Variants in ARHGAP18 observed in about 807,000 individuals in gnomAD.
The protein encoded by ARHGAP18 is Rho GTPase activating protein 18.
ARHGAP18 carries 67 observed loss-of-function variants against 86.2 expected under a neutral mutation model. That is an observed-to-expected ratio of 0.78 (90% CI 0.64 to 0.95). ARHGAP18 has a LOEUF of 0.95. ARHGAP18 is among the 40% of genes least tolerant of loss of function. ARHGAP18 has a pLI of 0.00. For missense variants in ARHGAP18, 691 were observed against 780.4 expected, an observed-to-expected ratio of 0.89 and a Z score of 1.37; for synonymous variants, 283 against 280.4, an observed-to-expected ratio of 1.01 and a Z score of -0.09.
chr6:129,704,482 T>G (rs1774772550), intron 1 of ARHGAP18, among the ~76,000 whole-genome samples: 2 of 152,074 alleles, frequency 1.3e-5, no homozygotes, highest in Admixed American at 1.3e-4. Context: ...CTGAGCTTCA[T>G]GTCTCGCTCA....
intron 1 of ARHGAP18, among the ~76,000 whole-genome samples, chr6:129,681,835 G>A (rs191014820): frequency 2.6e-5 from 4 of 152,318 alleles, no homozygotes; most frequent in East Asian, 1.9e-4. Flanking sequence ...CAAGTTCACA[G>A]GTTAGGCAAT....
At chr6:129,625,646 AT>A (rs1211981272) in intron 5 of ARHGAP18, among the ~76,000 whole-genome samples, 2 of 79,030 alleles carry the variant, frequency 2.5e-5, no homozygotes, top group African/African-American at 1.0e-4. Context: ...TATATTATAT[AT>A]TTATATATTA....
intron 1 of ARHGAP18, among the ~76,000 whole-genome samples, chr6:129,707,979 C>T (rs1224152545): frequency 2.0e-5 from 3 of 152,072 alleles, no homozygotes; most frequent in Non-Finnish European, 4.4e-5. Flanking sequence ...ACCACTATCA[C>T]CATTCTTAGG....
At chr6:129,645,517 C>G (rs1369848572) in intron 1 of ARHGAP18, among the ~76,000 whole-genome samples, 1 of 152,174 alleles carries the variant, frequency 6.6e-6, no homozygotes, top group African/African-American at 2.4e-5. Flanking sequence ...TGACCCCTCC[C>G]TGACTTTCTA....
chr6:129,638,835 A>G (rs1176457648), intron 2 of ARHGAP18, among the ~76,000 whole-genome samples: 1 of 152,198 alleles, frequency 6.6e-6, no homozygotes, highest in Non-Finnish European at 1.5e-5. Flanking sequence ...CTCAATTAAA[A>G]TTTTTAAATG....
chr6:129,601,268 T>G (rs1432039749), intron 10 of ARHGAP18, among the ~76,000 whole-genome samples: 1 of 152,246 alleles, frequency 6.6e-6, no homozygotes, highest in African/African-American at 2.4e-5. Context: ...AACTTCAGTC[T>G]CATTTCTTTA....
intron 1 of ARHGAP18, among the ~76,000 whole-genome samples, chr6:129,705,975 C>T (rs1774795655): frequency 6.6e-6 from 1 of 152,156 alleles, no homozygotes; most frequent in East Asian, 1.9e-4. Context: ...TACCCAATAC[C>T]AATGGCAAGT....
At chr6:129,645,603 C>T (rs973192499) in intron 1 of ARHGAP18, among the ~76,000 whole-genome samples, 17 of 152,166 alleles carry the variant, frequency 1.1e-4, no homozygotes, top group African/African-American at 3.6e-4. Flanking sequence ...CATGGATATG[C>T]TTCAGAAGCT....
chr6:129,684,003 T>A (rs902746907), intron 1 of ARHGAP18, among the ~76,000 whole-genome samples: 1 of 152,078 alleles, frequency 6.6e-6, no homozygotes, highest in Non-Finnish European at 1.5e-5. Context: ...GAAGTGCAGA[T>A]TAGGATTGAG....
chr6:129,623,765 T>C (rs1470575064), intron 5 of ARHGAP18, among the ~76,000 whole-genome samples: 1 of 152,154 alleles, frequency 6.6e-6, no homozygotes, highest in African/African-American at 2.4e-5. Flanking sequence ...TTTCTATAGA[T>C]GAGTATATGC....
chr6:129,670,264 A>G (rs2114527174), intron 1 of ARHGAP18, among the ~76,000 whole-genome samples: 1 of 152,384 alleles, frequency 6.6e-6, no homozygotes, highest in East Asian at 1.9e-4. Flanking sequence ...AATAAACCTA[A>G]GAGAGCTTAC....
At chr6:129,648,324 A>G (rs1773625186) in intron 1 of ARHGAP18, among the ~76,000 whole-genome samples, 1 of 151,870 alleles carries the variant, frequency 6.6e-6, no homozygotes, top group Admixed American at 6.6e-5. Flanking sequence ...GGCACACACC[A>G]CTTCACCTGG....
intron 1 of ARHGAP18, among the ~76,000 whole-genome samples, chr6:129,676,910 GT>G (rs1562721051): frequency 6.3e-5 from 2 of 31,708 alleles, no homozygotes; most frequent in Non-Finnish European, 1.6e-4. Flanking sequence ...AAAATTTTTT[GT>G]CCTCTTTTTT....
At chr6:129,701,982 G>C (rs1774718241) in intron 1 of ARHGAP18, among the ~76,000 whole-genome samples, 1 of 152,140 alleles carries the variant, frequency 6.6e-6, no homozygotes, top group Non-Finnish European at 1.5e-5. Flanking sequence ...GTCCCCATAT[G>C]ACCAGCTGCT....
chr6:129,668,750 C>G (rs1187467674), intron 1 of ARHGAP18, among the ~76,000 whole-genome samples: 1 of 152,170 alleles, frequency 6.6e-6, no homozygotes, highest in Non-Finnish European at 1.5e-5. Flanking sequence ...ACGTCCTCCA[C>G]TCGATCTCTA....
At chr6:129,647,418 T>A (rs1773603472) in intron 1 of ARHGAP18, among the ~76,000 whole-genome samples, 1 of 152,220 alleles carries the variant, frequency 6.6e-6, no homozygotes, top group African/African-American at 2.4e-5. Context: ...TTCTATCCAG[T>A]CTGTCTCCTG....
intron 13 of ARHGAP18, among the ~76,000 whole-genome samples, chr6:129,582,638 C>A (rs1788312384): frequency 6.6e-6 from 1 of 152,176 alleles, no homozygotes. Flanking sequence ...GCCCTCAGGA[C>A]ATAATCTCCA....
At chr6:129,653,440 GTA>G in intron 1 of ARHGAP18, among the ~76,000 whole-genome samples, 1 of 152,206 alleles carries the variant, frequency 6.6e-6, no homozygotes, top group Non-Finnish European at 1.5e-5. Flanking sequence ...CCACTGGTAA[GTA>G]TAGAAGGCCG....
intron 1 of ARHGAP18, among the ~76,000 whole-genome samples, chr6:129,657,443 AAAC>A (rs1437354243): frequency 6.6e-6 from 1 of 151,980 alleles, no homozygotes; most frequent in Non-Finnish European, 1.5e-5. Flanking sequence ...AAAAAAAAAA[AAAC>A]AACTTAATAC....
Sources: gnomAD v4.1 joint callset for allele counts (sites outside exome capture counted in the v4.1 genomes callset) on GRCh38, gnomAD v4.1.1 for gene constraint, MANE v1.5 for transcripts, NCBI Gene and HGNC (gene_info 2026-07-23, HGNC 2026-07-21) for gene names.